Variants in NCF2 observed in about 807,000 individuals in gnomAD.
NCF2 encodes neutrophil cytosolic factor 2, also known as neutrophil cytosol factor 2.
NCF2 carries 45 observed loss-of-function variants against 70.9 expected under a neutral mutation model. The ratio of observed to expected loss-of-function variants is 0.63; its 90% confidence interval spans 0.50 to 0.81. The LOEUF (loss-of-function observed/expected upper bound fraction) is 0.81, where lower values mean the gene tolerates loss of function less well. Among genes scored for constraint, NCF2 ranks in the 40% least tolerant of loss-of-function variants. NCF2 has a pLI of 0.00. For missense variants in NCF2, 522 were observed against 631.6 expected, an observed-to-expected ratio of 0.83 and a Z score of 1.86; for synonymous variants, 203 against 233.6, an observed-to-expected ratio of 0.87 and a Z score of 1.19.
At chr1:183,565,202 C>G (rs527247519) in intron 10 of NCF2, among the ~76,000 whole-genome samples, 1 of 152,214 alleles carries the variant, frequency 6.6e-6, no homozygotes, top group Non-Finnish European at 1.5e-5. Flanking sequence ...AAGTGCACTT[C>G]CCAAGACAGC....
chr1:183,570,714 C>T lies in NCF2; in HGVS notation c.669+66G>A, dbSNP rs1672504751. On this transcript the variant is annotated intron_variant, in intron 6 of 14. Transcript: ENST00000367535. ...AGGCAACTCAGCACACATAGTCTCTCGAATTGAATGCTTCACAGAAAGCTC... is the reference window on the plus strand; with the variant it reads ...AGGCAACTCAGCACACATAGTCTCTTGAATTGAATGCTTCACAGAAAGCTC... 3.9e-6 allele frequency: 6 copies of T among 1,537,172 alleles called. No homozygotes were observed. In the Middle Eastern group the frequency reaches 8.5e-4, roughly 217 times the overall value.
At chr1:183,591,868 G>C (rs1001897656), upstream of NCF2, among the ~76,000 whole-genome samples, 7 of 152,250 alleles carry the variant, frequency 4.6e-5, 1 homozygote, top group Non-Finnish European at 1.0e-4. Context: ...CCACATGACA[G>C]TGAATTATGA....
At chr1:183,585,439 C>A (rs1673300120) in intron 2 of NCF2, among the ~76,000 whole-genome samples, 1 of 152,074 alleles carries the variant, frequency 6.6e-6, no homozygotes, top group Non-Finnish European at 1.5e-5. Context: ...GCGTGGCCAA[C>A]ATGGTGAAAC....
chr1:183,576,872 AT>A (rs1274236601), intron 3 of NCF2, among the ~76,000 whole-genome samples: 1 of 151,388 alleles, frequency 6.6e-6, no homozygotes, highest in African/African-American at 2.4e-5. Flanking sequence ...ATTTACAGGA[AT>A]TTTGGTTTTC....
chr1:183,601,168 C>A, the NCF2 span, among the ~76,000 whole-genome samples: 1 of 152,190 alleles, frequency 6.6e-6, no homozygotes, highest in Non-Finnish European at 1.5e-5. Flanking sequence ...TAAGCATATG[C>A]AAATGCAGAC....
At chr1:183,573,344 G>T in intron 4 of NCF2, 52 bp from the exon 5 acceptor site, 1 of 1,493,534 alleles carries the variant, frequency 6.7e-7, no homozygotes, top group Non-Finnish European at 9.3e-7. Flanking sequence ...GGGTGACGAT[G>T]CTTGTCCTGC....
chr1:183,592,858 A>T (rs1054138098), upstream of NCF2, among the ~76,000 whole-genome samples: 3 of 151,890 alleles, frequency 2.0e-5, no homozygotes, highest in Non-Finnish European at 4.4e-5. Context: ...TCTGCTGCTT[A>T]CTCTTCTCCC....
At chr1:183,565,381 GTTAC>G (rs1404655582) in intron 10 of NCF2, among the ~76,000 whole-genome samples, 1 of 152,218 alleles carries the variant, frequency 6.6e-6, no homozygotes, top group Non-Finnish European at 1.5e-5. Context: ...AGCAGGTATA[GTTAC>G]TTCAACTTTT....
chr1:183,574,491 AC>A lies in NCF2; in HGVS notation c.496del (p.Val166SerfsTer11). On this transcript the variant is annotated frameshift_variant, in exon 4 of 15. Transcript: ENST00000367535. LOFTEE classifies it high-confidence loss of function. ...CTGCATCACCAATACGCTTACCCAG[AC>A]ACACTCCATCGCCTTGTCGATTTTG... ...HSKIDKAMEC[V>X]WKQKLYEPVV... 1 of 1,614,204 alleles carries A rather than the reference AC, an allele frequency of 6.2e-7. No homozygotes were observed. The highest frequency in any genetic ancestry group is 8.5e-7 in the Non-Finnish European group (1 of 1,180,032).
intron 6 of NCF2, among the ~76,000 whole-genome samples, chr1:183,570,400 G>A (rs764184085): frequency 1.4e-4 from 21 of 152,322 alleles, no homozygotes; most frequent in Middle Eastern, 3.4e-3. Context: ...GGCCCCACAG[G>A]GTTCCCCACT....
chr1:183,558,362 G>A (rs934390075), intron 14 of NCF2, among the ~76,000 whole-genome samples: 2 of 149,878 alleles, frequency 1.3e-5, no homozygotes, highest in Non-Finnish European at 3.0e-5. Context: ...CCTCCTCCTG[G>A]GTTCAAGAGA....
chr1:183,570,743 A>C lies in NCF2; in HGVS notation c.669+37T>G, dbSNP rs766870991. The C allele has an allele frequency of 8.1e-6, 13 of 1,605,436 alleles. 1 individual carries two copies. The South Asian group carries it at 1.3e-4, about 16-fold the overall frequency. On this transcript the variant is annotated intron_variant, in intron 6 of 14. Transcript: ENST00000367535. ...TTGAATGCTTCACAGAAAGCTCTCG[A>C]GACCTAGGTCCATGGAGAAGGTCAG...
upstream of NCF2, among the ~76,000 whole-genome samples, chr1:183,592,970 G>A (rs1394341920): frequency 1.3e-5 from 2 of 152,050 alleles, no homozygotes; most frequent in Non-Finnish European, 2.9e-5. Context: ...CATAGCCTTC[G>A]AAGGCCTGCT....
In NCF2 at chr1:183,577,665, C is replaced by G. The variant is rs773131016; in HGVS notation, c.300G>C (p.Gln100His). 1 of 1,614,026 alleles carries G rather than the reference C, an allele frequency of 6.2e-7. No homozygotes were observed. Among genetic ancestry groups the G allele is most frequent in the African/African-American group, 1.3e-5 (1 of 74,924 alleles). Reference sequence around the variant, plus strand: ...AGTCTATCAGCTGGTTCCCTCGAAGCTGAATCAAGGCTTCTTTAAGGTCTT... The same window carrying G: ...AGTCTATCAGCTGGTTCCCTCGAAGGTGAATCAAGGCTTCTTTAAGGTCTT... The part of the protein sequence containing the change: ...AIKDLKEALI[Q>H]LRGNQLIDYK... The change falls in exon 3 of 15, where the codon CAG becomes CAC. Residue 100 changes from glutamine (Q) to histidine (H), a missense_variant. By Grantham distance (24) the Gln-to-His change is conservative. Transcript: ENST00000367535.
chr1:183,588,124 C>T (rs1433894644), intron 1 of NCF2, among the ~76,000 whole-genome samples: 1 of 152,156 alleles, frequency 6.6e-6, no homozygotes, highest in Non-Finnish European at 1.5e-5. Flanking sequence ...TACAATTTTA[C>T]TGTGAAACAA....
chr1:183,596,729 G>A, the NCF2 span, among the ~76,000 whole-genome samples: 14 of 147,566 alleles, frequency 9.5e-5, no homozygotes, highest in East Asian at 1.8e-3. Context: ...GCTACAGAGC[G>A]AGACTCCATC....
intron 3 of NCF2, among the ~76,000 whole-genome samples, chr1:183,574,943 T>G (rs1672731304): frequency 6.6e-6 from 1 of 152,186 alleles, no homozygotes; most frequent in Non-Finnish European, 1.5e-5. Flanking sequence ...AGAATTGTTG[T>G]GTTGTTTTAG....
At chr1:183,570,620 C>T in intron 6 of NCF2, 160 bp downstream of exon 6, 2 of 739,638 alleles carry the variant, frequency 2.7e-6, no homozygotes, top group Non-Finnish European at 2.4e-6. Context: ...GCCATGGAAA[C>T]CAGGACTGAG....
chr1:183,557,995 C>T lies in NCF2; in HGVS notation c.1469-1765G>A, dbSNP rs545693989. Among the ~76,000 whole-genome samples the T allele has an allele frequency of 9.2e-4, 140 of 152,200 alleles. 1 individual carries two copies. Among genetic ancestry groups the T allele is most frequent in the Middle Eastern group, 6.8e-3 (2 of 294 alleles). ...GTTCAAGTGATTCTCCTGCCTCAGC[C>T]TCCCAAGGAGCTGGAACTACAAGTG... On this transcript the variant is annotated intron_variant, in intron 14 of 14. Transcript: ENST00000367535.
Sources: allele counts gnomAD v4.1 joint callset (sites outside exome capture counted in the v4.1 genomes callset), GRCh38; gene constraint gnomAD v4.1.1; transcripts MANE v1.5; gene names NCBI Gene and HGNC (gene_info 2026-07-23, HGNC 2026-07-21).